Variants in CFAP299 observed in about 807,000 individuals in gnomAD.
CFAP299 encodes cilia- and flagella-associated protein 299.
Under a neutral mutation model 27.0 loss-of-function variants are expected in CFAP299, and 21 were observed. The ratio of observed to expected loss-of-function variants is 0.78; its 90% CI spans 0.55 to 1.12. The LOEUF is 1.12. Among genes scored for constraint, CFAP299 ranks in the 50% most tolerant of loss-of-function variants. CFAP299 has a pLI of 0.00. For synonymous variants in CFAP299, 104 were observed against 98.1 expected, an observed-to-expected ratio of 1.06 and a Z score of -0.36; for missense variants, 310 against 276.6, an observed-to-expected ratio of 1.12 and a Z score of -0.86.
rs79383972 is a variant in CFAP299 at position 80,889,730 on chromosome 4, A to T, written c.476+19595A>T. Among the ~76,000 whole-genome samples, 1,220 of 152,234 alleles carry T rather than the reference A, an allele frequency of 8.0e-3. 5 individuals are homozygous for T. Among genetic ancestry groups the T allele is most frequent in the Middle Eastern group, 0.017 (5 of 294 alleles). On this transcript the variant is annotated intron_variant, in intron 4 of 5. Transcript: ENST00000358105. The stretch of plus-strand genomic sequence containing the variant: ...TATAAATACAAAAATTCTCAACAAA[A>T]TACTCGCAAACCAAATTCAAAAATA...
chr4:80,888,175 A>G (rs186310444), intron 4 of CFAP299, among the ~76,000 whole-genome samples: 81 of 152,240 alleles, frequency 5.3e-4, no homozygotes, highest in African/African-American at 1.9e-3. Flanking sequence ...AAATTCTGCC[A>G]TCAAAAGACA....
rs1482729543 is a variant in CFAP299 at position 80,799,858 on chromosome 4, TA to T, written c.334-70134del. On this transcript the variant is annotated intron_variant, in intron 3 of 5. Coordinates refer to ENST00000358105, the MANE Select transcript of CFAP299 (RefSeq NM_152770.3). ...TATATTATATTATATAATATATAAA[TA>T]TATATTATATATATTATATTATATA... Among the ~76,000 whole-genome samples, 178 of 32,172 alleles carry T rather than the reference TA, an allele frequency of 5.5e-3. 7 individuals carry two copies. Among genetic ancestry groups the T allele is most frequent in the South Asian group, 0.023 (20 of 858 alleles). The allele number at this position is 32,172 out of a possible 152,430, so 21.1% of individuals were successfully genotyped here.
chr4:80,439,002 T>C (rs1728223386), intron 2 of CFAP299, among the ~76,000 whole-genome samples: 1 of 152,254 alleles, frequency 6.6e-6, no homozygotes, highest in Non-Finnish European at 1.5e-5. Flanking sequence ...AAGCTATCTA[T>C]TTTTGTATAT....
chr4:80,387,494 G>C, intron 2 of CFAP299: 1 of 815,248 alleles, frequency 1.2e-6, no homozygotes, highest in Non-Finnish European at 2.1e-6. Context: ...CTGGCTGTGG[G>C]CCAGGCCTGG....
chr4:80,463,454 C>T lies in CFAP299; in HGVS notation c.242+100570C>T, dbSNP rs1238797780. On this transcript the variant is annotated intron_variant, in intron 2 of 5. Transcript: ENST00000358105. ...ATGATCCTAGGTCCTTCTAGTTCTT[C>T]ATATATTATATGTATTAGTCTGTTT... 5.9e-5 allele frequency among the ~76,000 whole-genome samples: 9 copies of T among 152,248 alleles called. No individual in the cohort carries two copies. In the East Asian group the frequency reaches 1.5e-3, roughly 26 times the overall value.
intron 3 of CFAP299, among the ~76,000 whole-genome samples, 175 bp from the exon 4 acceptor site, chr4:80,869,818 T>A (rs1034973649): frequency 1.3e-5 from 2 of 152,218 alleles, no homozygotes; most frequent in Admixed American, 6.5e-5. Context: ...GCGAGTAACA[T>A]GTGTTTTTAG....
chr4:80,797,972 G>T (rs912095750), intron 3 of CFAP299, among the ~76,000 whole-genome samples: 9 of 152,126 alleles, frequency 5.9e-5, no homozygotes, highest in African/African-American at 1.9e-4. Flanking sequence ...AACATTAAAT[G>T]CAGAGTCCCT....
At chr4:80,473,737 A>G (rs1730129443) in intron 2 of CFAP299, among the ~76,000 whole-genome samples, 1 of 151,978 alleles carries the variant, frequency 6.6e-6, no homozygotes, top group Non-Finnish European at 1.5e-5. Context: ...CACCTGGCTA[A>G]TTGTTTTGTT....
At chr4:80,545,088 A>T (rs1297207461) in intron 2 of CFAP299, among the ~76,000 whole-genome samples, 1 of 150,536 alleles carries the variant, frequency 6.6e-6, no homozygotes. Flanking sequence ...AAAGTTAAAA[A>T]ATCTGCTTCT....
intron 2 of CFAP299, among the ~76,000 whole-genome samples, chr4:80,404,329 G>A (rs114131487): frequency 0.017 from 2,589 of 152,108 alleles, 72 homozygotes; most frequent in African/African-American, 0.058. Flanking sequence ...TTAGTGCAGA[G>A]TTCAGTGGTG....
intron 3 of CFAP299, among the ~76,000 whole-genome samples, chr4:80,827,170 A>C (rs1349692138): frequency 6.6e-6 from 1 of 151,784 alleles, no homozygotes; most frequent in Admixed American, 6.6e-5. Context: ...GAAACTTAAA[A>C]ATATATATTT....
In CFAP299 at chr4:80,390,730, T is replaced by TATATGTATATATGTATATATACACAC. The variant is rs750487710; in HGVS notation, c.242+27870_242+27895dup. Among the ~76,000 whole-genome samples, 841 of 142,890 alleles carry TATATGTATATATGTATATATACACAC rather than the reference T, an allele frequency of 5.9e-3. 9 individuals carry two copies. The highest frequency in any genetic ancestry group is 0.011 in the Non-Finnish European group (704 of 66,020). The allele number at this position is 142,890 out of a possible 152,430, so 93.7% of individuals were successfully genotyped here. ...ATATATGTATACACACATACATGTA[T>TATATGTATATATGTATATATACACAC]ATATGTATATATGTATATATACACA... On this transcript the variant is annotated intron_variant, in intron 2 of 5. Transcript: ENST00000358105.
intron 3 of CFAP299, among the ~76,000 whole-genome samples, chr4:80,842,065 A>C (rs995574936): frequency 6.6e-6 from 1 of 151,950 alleles, no homozygotes; most frequent in Admixed American, 6.6e-5. Context: ...CTCCTCCTTG[A>C]GTGTAGAATG....
intron 2 of CFAP299, among the ~76,000 whole-genome samples, chr4:80,429,882 C>T (rs1727721128): frequency 6.6e-6 from 1 of 151,824 alleles, no homozygotes; most frequent in South Asian, 2.1e-4. Flanking sequence ...AGGCACAAGG[C>T]TTAGGTAAAA....
At chr4:80,645,650 C>T (rs1739969408) in intron 3 of CFAP299, among the ~76,000 whole-genome samples, 1 of 152,076 alleles carries the variant, frequency 6.6e-6, no homozygotes, top group Non-Finnish European at 1.5e-5. Flanking sequence ...ATGTTGCATG[C>T]CATCTAACTT....
chr4:80,672,353 C>G (rs1202643263), intron 3 of CFAP299, among the ~76,000 whole-genome samples: 1 of 152,208 alleles, frequency 6.6e-6, no homozygotes, highest in East Asian at 1.9e-4. Flanking sequence ...AGGGATGAAG[C>G]CAACTTGATC....
intron 2 of CFAP299, among the ~76,000 whole-genome samples, chr4:80,498,305 C>T (rs1411106875): frequency 1.3e-5 from 2 of 152,044 alleles, no homozygotes; most frequent in Non-Finnish European, 2.9e-5. Context: ...GCAGAGTAAA[C>T]AGACAACCTG....
intron 3 of CFAP299, among the ~76,000 whole-genome samples, chr4:80,858,322 C>T (rs536196884): frequency 1.1e-3 from 168 of 151,848 alleles, no homozygotes; most frequent in East Asian, 5.8e-3. Context: ...GTCTTGCTAG[C>T]GGTCTATCAA....
chr4:80,953,334 C>T (rs72661745), intron 5 of CFAP299, among the ~76,000 whole-genome samples: 299 of 152,234 alleles, frequency 2.0e-3, no homozygotes, highest in Non-Finnish European at 3.4e-3. Context: ...CCAACTTTCT[C>T]GTTTTGCTAC....
Sources: allele counts gnomAD v4.1 joint callset (sites outside exome capture counted in the v4.1 genomes callset), GRCh38; gene constraint gnomAD v4.1.1; transcripts MANE v1.5; gene names NCBI Gene and HGNC (gene_info 2026-07-23, HGNC 2026-07-21).